Variants in CYSTM1 observed in about 807,000 individuals in gnomAD.
CYSTM1 encodes the protein cysteine rich transmembrane module containing 1.
Under a neutral mutation model 13.1 loss-of-function variants are expected in CYSTM1, and 4 were observed. The ratio of observed to expected loss-of-function variants is 0.31; its 90% CI spans 0.15 to 0.70. CYSTM1 has a LOEUF of 0.70. CYSTM1 is among the 30% of genes least tolerant of loss of function. The pLI is 0.72. For synonymous variants in CYSTM1, 36 were observed against 42.7 expected (o/e 0.84, Z 0.62); for missense variants, 96 against 121.6 (o/e 0.79, Z 0.99).
intron 2 of CYSTM1, among the ~76,000 whole-genome samples, chr5:140,204,862 T>C (rs951977026): frequency 6.6e-6 from 1 of 152,168 alleles, no homozygotes; most frequent in Non-Finnish European, 1.5e-5. Context: ...TGGTTGTGAG[T>C]TCATGTTCAG....
At chr5:140,218,416 A>G (rs1764456155) in intron 2 of CYSTM1, among the ~76,000 whole-genome samples, 1 of 152,198 alleles carries the variant, frequency 6.6e-6, no homozygotes, top group African/African-American at 2.4e-5. Flanking sequence ...AGTAGCAGCT[A>G]GAGTATACAG....
intron 2 of CYSTM1, among the ~76,000 whole-genome samples, chr5:140,203,889 C>A (rs62383939): frequency 6.6e-6 from 1 of 152,106 alleles, no homozygotes. Flanking sequence ...TTTCACTAAG[C>A]GTGAATACAG....
At chr5:140,179,208 C>T (rs1161255088) in intron 1 of CYSTM1, among the ~76,000 whole-genome samples, 1 of 151,760 alleles carries the variant, frequency 6.6e-6, no homozygotes, top group Non-Finnish European at 1.5e-5. Context: ...TGCAATGAAC[C>T]ATGATCACGC....
chr5:140,177,077 A>AAAAAAAAAAAAAAAC (rs1561806680), intron 1 of CYSTM1, among the ~76,000 whole-genome samples: 1 of 151,004 alleles, frequency 6.6e-6, no homozygotes, highest in African/African-American at 2.4e-5. Context: ...TCAAAAAAAA[A>AAAAAAAAAAAAAAAC]AAAAAAAAAA....
At chr5:140,183,794 A>G (rs955348651) in intron 1 of CYSTM1, among the ~76,000 whole-genome samples, 2 of 152,188 alleles carry the variant, frequency 1.3e-5, no homozygotes, top group African/African-American at 4.8e-5. Context: ...AGGACCATAC[A>G]TGATGAATGA....
chr5:140,179,817 T>C (rs1262410810), intron 1 of CYSTM1, among the ~76,000 whole-genome samples: 1 of 151,846 alleles, frequency 6.6e-6, no homozygotes, highest in Admixed American at 6.5e-5. Context: ...TGCACTACCA[T>C]GCCTGGCTAA....
chr5:140,195,439 C>CAT lies in CYSTM1; in HGVS notation c.187+787_187+788insAT, dbSNP rs1554132184. 5.9e-5 allele frequency among the ~76,000 whole-genome samples: 6 copies of CAT among 101,358 alleles called. No individual in the cohort carries two copies. The South Asian group carries it at 1.5e-3, about 26-fold the overall frequency. The allele number at this position is 101,358 out of a possible 152,430, so 66.5% of individuals were successfully genotyped here. ...CTGCTCTCTTAATTAGCCCTTTCAGCTTTTTTTTTTTTTTTTTTTTGAGAC... is the reference window on the plus strand; with the variant it reads ...CTGCTCTCTTAATTAGCCCTTTCAGCATTTTTTTTTTTTTTTTTTTTTGAGAC... On this transcript the variant is annotated intron_variant, in intron 2 of 2. Coordinates refer to ENST00000261811, the MANE Select transcript of CYSTM1 (RefSeq NM_032412.4).
chr5:140,239,566 G>C lies in CYSTM1; in HGVS notation c.188-3739G>C, dbSNP rs1764723046. 1.3e-5 allele frequency among the ~76,000 whole-genome samples: 2 copies of C among 152,180 alleles called. No homozygotes were observed. The highest frequency in any genetic ancestry group is 4.1e-4 in the South Asian group (2 of 4,826). ...AGGCAAGAAGGTGGGAGGTGCCCCTGCCAGAAACTGCTCAGCTCTTCCCAA... is the reference window on the plus strand; with the variant it reads ...AGGCAAGAAGGTGGGAGGTGCCCCTCCCAGAAACTGCTCAGCTCTTCCCAA... On this transcript the variant is annotated intron_variant, in intron 2 of 2. Coordinates refer to ENST00000261811, the MANE Select transcript of CYSTM1 (RefSeq NM_032412.4). The surrounding 1 kb of genome is among the most constrained non-coding windows in gnomAD (Gnocchi z 5.4).
chr5:140,211,956 C>G (rs528863786), intron 2 of CYSTM1, among the ~76,000 whole-genome samples: 1 of 151,952 alleles, frequency 6.6e-6, no homozygotes. Context: ...CACACACACA[C>G]GCAAAAATAA....
intron 2 of CYSTM1, among the ~76,000 whole-genome samples, chr5:140,212,439 G>A (rs1478049049): frequency 6.6e-6 from 1 of 152,052 alleles, no homozygotes; most frequent in Non-Finnish European, 1.5e-5. Flanking sequence ...AATTATGTAC[G>A]GTACATAATA....
At chr5:140,206,292 C>G (rs1370524212) in intron 2 of CYSTM1, among the ~76,000 whole-genome samples, 1 of 151,144 alleles carries the variant, frequency 6.6e-6, no homozygotes, top group Non-Finnish European at 1.5e-5. Flanking sequence ...TGTTCTTCTG[C>G]CTGTTTTCCT....
intron 2 of CYSTM1, among the ~76,000 whole-genome samples, chr5:140,198,961 C>G (rs942648398): frequency 1.3e-5 from 2 of 152,136 alleles, no homozygotes; most frequent in African/African-American, 4.8e-5. Context: ...CCCTAGCCCC[C>G]CAACTCCCCG....
chr5:140,197,481 A>G (rs1349084681), intron 2 of CYSTM1, among the ~76,000 whole-genome samples: 1 of 152,194 alleles, frequency 6.6e-6, no homozygotes, highest in Non-Finnish European at 1.5e-5. Flanking sequence ...TCCTTTCTGC[A>G]CCCAAACATA....
At chr5:140,229,106 G>A (rs1359485726) in intron 2 of CYSTM1, among the ~76,000 whole-genome samples, 1 of 152,006 alleles carries the variant, frequency 6.6e-6, no homozygotes, top group Non-Finnish European at 1.5e-5. Flanking sequence ...TTTTCTGTTG[G>A]TTTGTCTTAC....
chr5:140,193,198 C>T (rs1216849530), intron 1 of CYSTM1, among the ~76,000 whole-genome samples: 1 of 152,208 alleles, frequency 6.6e-6, no homozygotes, highest in African/African-American at 2.4e-5. Context: ...GGTAACAGTA[C>T]AAGGCAGCAG....
intron 2 of CYSTM1, among the ~76,000 whole-genome samples, chr5:140,195,932 C>G (rs1337121003): frequency 1.3e-5 from 2 of 151,592 alleles, no homozygotes; most frequent in African/African-American, 4.8e-5. Flanking sequence ...ATAGTCCCAG[C>G]TACTCAGGAG....
rs577709524 is a variant in CYSTM1, at chr5:140,178,441, C to CTTT, written c.-21+3179_-21+3181dup. ...TGGAAAAGCCCTATTCAAGTCCTTC[C>CTTT]TTTTTTTTTTTTTTTTTTTTTTTTT... On this transcript the variant is annotated intron_variant, in intron 1 of 2. Transcript: ENST00000261811. Among the ~76,000 whole-genome samples, 42 of 52,658 alleles carry CTTT rather than the reference C, an allele frequency of 8.0e-4. 4 individuals carry two copies. The highest frequency in any genetic ancestry group is 0.015 in the Middle Eastern group (1 of 68). 34.5% of individuals were successfully genotyped at this position (52,658 alleles called of 152,430 possible).
chr5:140,216,923 G>A (rs928084224), intron 2 of CYSTM1, among the ~76,000 whole-genome samples: 5 of 152,018 alleles, frequency 3.3e-5, no homozygotes, highest in African/African-American at 9.7e-5. Context: ...ACGCATTCTC[G>A]TTCTGGGGGT....
intron 1 of CYSTM1, among the ~76,000 whole-genome samples, chr5:140,182,248 C>A (rs1290305375): frequency 6.6e-6 from 1 of 152,148 alleles, no homozygotes; most frequent in Non-Finnish European, 1.5e-5. Flanking sequence ...AGATATGACT[C>A]ACTAATAGTG....
Sources: gnomAD v4.1 joint callset for allele counts (sites outside exome capture counted in the v4.1 genomes callset) on GRCh38, gnomAD v4.1.1 for gene constraint, Gnocchi (gnomAD v3.1) non-coding constraint, MANE v1.5 for transcripts, NCBI Gene and HGNC (gene_info 2026-07-23, HGNC 2026-07-21) for gene names.